Variants in SYBU observed in about 807,000 individuals in gnomAD.
SYBU encodes the protein GOLSYN A protein.
SYBU carries 21 observed loss-of-function variants against 35.9 expected under a neutral mutation model. The ratio of observed to expected loss-of-function variants is 0.58; its 90% CI spans 0.41 to 0.84. SYBU has a LOEUF of 0.84. SYBU is among the 40% of genes least tolerant of loss of function. The pLI, the probability that SYBU is intolerant of heterozygous loss-of-function variation, is 0.00. For synonymous variants in SYBU, 319 were observed against 324.3 expected, an observed-to-expected ratio of 0.98 and a Z score of 0.18; for missense variants, 768 against 848.2, an observed-to-expected ratio of 0.91 and a Z score of 1.17.
chr8:109,607,334 A>G lies in SYBU; in HGVS notation c.427+11508T>C, dbSNP rs1826166428. The stretch of plus-strand genomic sequence containing the variant: ...GATGCCATGTGAGAAAAGTAAATTA[A>G]AACTGGCCAGAGAGATGTGTTCTGA... On this transcript the variant is annotated intron_variant, in intron 3 of 6. Coordinates refer to ENST00000276646, the MANE Select transcript of SYBU (RefSeq NM_001099754.2). Among the ~76,000 whole-genome samples the G allele has an allele frequency of 3.9e-5, 6 of 152,368 alleles. No homozygotes were observed. In the South Asian group the frequency reaches 1.2e-3, roughly 32 times the overall value.
intron 1 of SYBU, among the ~76,000 whole-genome samples, chr8:109,671,280 A>T (rs1439461111): frequency 1.3e-5 from 2 of 152,138 alleles, no homozygotes; most frequent in African/African-American, 4.8e-5. Context: ...TCTTAAAAAG[A>T]GAGGAAGGCT....
intron 3 of SYBU, 113 bp downstream of exon 3, chr8:109,618,729 T>C: frequency 3.1e-6 from 3 of 966,842 alleles, no homozygotes; most frequent in Non-Finnish European, 4.8e-6. Flanking sequence ...ATGCTTTAGA[T>C]GCTGGGTACG....
intron 3 of SYBU, among the ~76,000 whole-genome samples, chr8:109,618,059 C>T (rs868503795): frequency 2.0e-5 from 3 of 152,170 alleles, no homozygotes; most frequent in Non-Finnish European, 2.9e-5. Context: ...TCATGCAAGC[C>T]AGTAATCTGT....
intron 3 of SYBU, among the ~76,000 whole-genome samples, chr8:109,613,991 T>A (rs778476910): frequency 2.0e-5 from 3 of 152,224 alleles, no homozygotes; most frequent in Admixed American, 6.5e-5. Flanking sequence ...TTAGTTTGAA[T>A]GCTAAGGAGA....
intron 6 of SYBU, 57 bp from the exon 7 acceptor site, chr8:109,576,070 A>C: frequency 1.5e-6 from 2 of 1,299,098 alleles, no homozygotes; most frequent in Admixed American, 2.9e-5. Context: ...AAAAAAAAAA[A>C]CTTTCAACTG....
chr8:109,645,296 C>G (rs1815538172), upstream of SYBU: 1 of 456,576 alleles, frequency 2.2e-6, no homozygotes. Flanking sequence ...TACCGGAGCC[C>G]AGCCAAGCCA....
In SYBU at chr8:109,671,211, C is replaced by T. The variant is rs73700925; in HGVS notation, c.-129+9500G>A. On this transcript the variant is annotated intron_variant, in intron 1 of 5. Coordinates refer to the SYBU transcript ENST00000408889. Reference sequence around the variant, plus strand: ...TATGTCAAAATCATTAAATTCAAGACAAATCTTATTTCAGCATTTCCAGTT... The same window carrying T: ...TATGTCAAAATCATTAAATTCAAGATAAATCTTATTTCAGCATTTCCAGTT... Among the ~76,000 whole-genome samples, 1,172 of 152,010 alleles carry T rather than the reference C, an allele frequency of 7.7e-3. 17 individuals carry two copies. The highest frequency in any genetic ancestry group is 0.027 in the African/African-American group (1,117 of 41,498).
intron 1 of SYBU, among the ~76,000 whole-genome samples, chr8:109,677,779 G>C (rs551214370): frequency 6.6e-6 from 1 of 152,194 alleles, no homozygotes; most frequent in African/African-American, 2.4e-5. Context: ...AGACTAAGAT[G>C]GGTCTCAGAC....
chr8:109,617,078 G>C (rs1811886057), intron 3 of SYBU, among the ~76,000 whole-genome samples: 1 of 152,112 alleles, frequency 6.6e-6, no homozygotes, highest in Admixed American at 6.5e-5. Context: ...GGAGGTTGCA[G>C]TGAGCCAAGA....
At position 109,655,880 on chromosome 8, in the gene SYBU, C is replaced by T. The variant is rs188687372; in HGVS notation, c.-129+24831G>A. On this transcript the variant is annotated intron_variant, in intron 1 of 5. Coordinates refer to the SYBU transcript ENST00000408889. The stretch of plus-strand genomic sequence containing the variant: ...CTGTAATCCCAGCACTTTGGGAGGC[C>T]GAGGTGGGCAGATCATTTGAGGTCA... Among the ~76,000 whole-genome samples the T allele has an allele frequency of 1.6e-3, 241 of 151,996 alleles. 1 individual carries two copies. The highest frequency in any genetic ancestry group is 5.1e-3 in the African/African-American group (213 of 41,460).
At chr8:109,622,320 C>T (rs1287693268) in intron 2 of SYBU, among the ~76,000 whole-genome samples, 3 of 152,056 alleles carry the variant, frequency 2.0e-5, no homozygotes, top group East Asian at 1.9e-4. Flanking sequence ...CAGATGCCAC[C>T]TCCTGGGTTC....
chr8:109,587,370 C>A (rs1429361228), intron 3 of SYBU, among the ~76,000 whole-genome samples: 2 of 152,264 alleles, frequency 1.3e-5, no homozygotes, highest in South Asian at 4.1e-4. Flanking sequence ...AGACATTAAT[C>A]TCACTATTTT....
chr8:109,580,127 T>C lies in SYBU; in HGVS notation c.531-125A>G, dbSNP rs188312086. 2.0e-3 allele frequency: 1,776 copies of C among 887,654 alleles called. 5 individuals are homozygous for C. Among genetic ancestry groups the C allele is most frequent in the Admixed American group, 3.2e-3 (154 of 48,152 alleles). The allele number at this position is 887,654 out of a possible 1,614,324, so 55.0% of individuals were successfully genotyped here. On this transcript the variant is annotated intron_variant, in intron 4 of 6. Transcript: ENST00000276646. ...TTGAAAGGCGCAATACAATTATTCG[T>C]GTAGACTGTCCTTAGGAGCGGCCTT...
Position 109,575,713 on chromosome 8 carries a change from A to G in SYBU, c.1185T>C (p.Asp395=), listed in dbSNP as rs760225917. The G allele has an allele frequency of 6.2e-7, 1 of 1,614,136 alleles. No homozygotes were observed. ...TGAGGGTTAAGCTCTTCTCTGGGGA[A>G]TCACATGGAAAGTCTAGGCACAGTT... ...RDELCLDFPC[D]SPEKSLTLNP... The change falls in exon 7 of 7, where the codon GAT becomes GAC. Residue 395 remains aspartate (D), a synonymous_variant. Coordinates refer to ENST00000276646, the MANE Select transcript of SYBU (RefSeq NM_001099754.2).
At chr8:109,651,833 A>G (rs778045037) in intron 1 of SYBU, among the ~76,000 whole-genome samples, 4 of 152,110 alleles carry the variant, frequency 2.6e-5, no homozygotes, top group Non-Finnish European at 5.9e-5. Flanking sequence ...TTTCATCTTA[A>G]TTTTTATTAA....
chr8:109,663,258 C>CAGATAGAT (rs67666534), intron 1 of SYBU, among the ~76,000 whole-genome samples: 2,540 of 149,136 alleles, frequency 0.017, 24 homozygotes, highest in Middle Eastern at 0.042. Flanking sequence ...AAAATACATA[C>CAGATAGAT]AGATAGATAG....
intron 4 of SYBU, among the ~76,000 whole-genome samples, chr8:109,583,092 C>T: frequency 1.3e-5 from 2 of 152,236 alleles, no homozygotes; most frequent in Middle Eastern, 6.8e-3. Context: ...ATAACCACCA[C>T]CAGCAGCAGC....
chr8:109,644,023 T>G (rs1266272536), intron 1 of SYBU: 1 of 447,678 alleles, frequency 2.2e-6, no homozygotes, highest in Non-Finnish European at 4.5e-6. Context: ...TTTCGAAACA[T>G]GACCTACTGT....
chr8:109,620,374 G>C (rs1298320532), intron 2 of SYBU, among the ~76,000 whole-genome samples: 4 of 152,134 alleles, frequency 2.6e-5, no homozygotes, highest in African/African-American at 4.8e-5. Flanking sequence ...TCTACCAAAG[G>C]CTATCTTAAA....
Sources: allele counts gnomAD v4.1 joint callset (sites outside exome capture counted in the v4.1 genomes callset), GRCh38; gene constraint gnomAD v4.1.1; transcripts MANE v1.5; gene names NCBI Gene and HGNC (gene_info 2026-07-23, HGNC 2026-07-21).